The following SCN7A variants were observed in gnomAD, a reference collection of about 807,000 sequenced individuals.
SCN7A encodes sodium voltage-gated channel alpha subunit 7, also known as sodium channel protein type 7 subunit alpha.
A neutral mutation model predicts 155.2 loss-of-function variants in SCN7A; 138 were observed. The observed-to-expected ratio is 0.89, with a 90% CI of 0.77 to 1.02. The LOEUF is 1.02. SCN7A is among the 50% of genes least tolerant of loss of function. SCN7A has a pLI of 0.00. For missense variants in SCN7A, 2,058 were observed against 1,986.6 expected, an observed-to-expected ratio of 1.04 and a Z score of -0.68; for synonymous variants, 693 against 649.0, an observed-to-expected ratio of 1.07 and a Z score of -1.03.
chr2:166,427,762 A>G (rs1306564827), intron 18 of SCN7A, 26 bp downstream of exon 18: 19 of 1,590,900 alleles, frequency 1.2e-5, no homozygotes, highest in African/African-American at 2.7e-5. Context: ...CCAGCAAAGT[A>G]TCAAACACCC....
chr2:166,426,644 A>C (rs1196707545), intron 18 of SCN7A, among the ~76,000 whole-genome samples: 2 of 152,100 alleles, frequency 1.3e-5, no homozygotes, highest in Non-Finnish European at 2.9e-5. Flanking sequence ...ATCTATTTTT[A>C]TTAAGTCTGA....
intron 11 of SCN7A, among the ~76,000 whole-genome samples, chr2:166,454,000 A>T (rs981329212): frequency 2.6e-5 from 4 of 152,208 alleles, no homozygotes; most frequent in African/African-American, 9.6e-5. Context: ...ATAATTAAAC[A>T]TTTTAATAAA....
chr2:166,478,085 T>C (rs942187762), intron 2 of SCN7A, among the ~76,000 whole-genome samples: 1 of 151,892 alleles, frequency 6.6e-6, no homozygotes, highest in African/African-American at 2.4e-5. Context: ...ACACTTTTCT[T>C]CTTTAAACTT....
At chr2:166,470,408 T>C (rs945262074) in intron 7 of SCN7A, among the ~76,000 whole-genome samples, 3 of 151,852 alleles carry the variant, frequency 2.0e-5, no homozygotes, top group Non-Finnish European at 4.4e-5. Context: ...TTTGTAAAAA[T>C]TGAGCCTACA....
chr2:166,432,420 A>G lies in SCN7A; in HGVS notation c.2490T>C (p.Pro830=), dbSNP rs1287337264. ...CAATTGGTACAGTTTCTGAGACACTAGGACTGGGGATAAGTGATTGGCTCT... is the reference window on the plus strand; with the variant it reads ...CAATTGGTACAGTTTCTGAGACACTGGGACTGGGGATAAGTGATTGGCTCT... ...ENESQSLIPS[P]SVSETVPIAS... The change falls in exon 16 of 26, where the codon CCT becomes CCC. Residue 830 remains proline, a synonymous_variant. Coordinates refer to ENST00000643258, the MANE Select transcript of SCN7A (RefSeq NM_002976.4). 1 of 1,613,568 alleles carries G rather than the reference A, an allele frequency of 6.2e-7. No individual in the cohort carries two copies. The highest frequency in any genetic ancestry group is 1.1e-5 in the South Asian group (1 of 91,068).
intron 15 of SCN7A, among the ~76,000 whole-genome samples, chr2:166,436,710 G>T (rs1317437298): frequency 3.3e-5 from 5 of 152,194 alleles, no homozygotes; most frequent in African/African-American, 1.2e-4. Context: ...TTAACAAAAT[G>T]CTGATAGTGA....
intron 20 of SCN7A, among the ~76,000 whole-genome samples, chr2:166,420,402 C>T (rs183102924): frequency 6.6e-6 from 1 of 151,968 alleles, no homozygotes. Context: ...AATAAAAATG[C>T]AAAAACACAT....
chr2:166,489,525 A>G (rs2105544020), intron 1 of SCN7A, among the ~76,000 whole-genome samples: 1 of 152,358 alleles, frequency 6.6e-6, no homozygotes, highest in East Asian at 1.9e-4. Context: ...AATCCACTTG[A>G]AATTTTGCAA....
At chr2:166,438,049 G>A (rs1179422916) in intron 15 of SCN7A, among the ~76,000 whole-genome samples, 1 of 152,120 alleles carries the variant, frequency 6.6e-6, no homozygotes, top group Non-Finnish European at 1.5e-5. Flanking sequence ...TGAGATTTGG[G>A]AAGGGCCAGG....
chr2:166,462,221 T>G (rs1312259873), intron 10 of SCN7A, 168 bp downstream of exon 10: 1 of 637,774 alleles, frequency 1.6e-6, no homozygotes, highest in South Asian at 2.9e-5. Context: ...CACCTGGCAA[T>G]GTGGCCAGCA....
intron 19 of SCN7A, among the ~76,000 whole-genome samples, chr2:166,423,037 G>T (rs1268228539): frequency 6.6e-6 from 1 of 152,044 alleles, no homozygotes; most frequent in Non-Finnish European, 1.5e-5. Flanking sequence ...AATTCAAGGT[G>T]ATTATTATAA....
chr2:166,480,520 CAG>C (rs1702901593), intron 2 of SCN7A, among the ~76,000 whole-genome samples: 1 of 150,446 alleles, frequency 6.6e-6, no homozygotes, highest in Non-Finnish European at 1.5e-5. Flanking sequence ...TATTTTTACA[CAG>C]AGATCCTTGA....
chr2:166,462,633 G>C, intron 9 of SCN7A, 103 bp from the exon 10 acceptor site: 3 of 1,007,770 alleles, frequency 3.0e-6, no homozygotes, highest in Non-Finnish European at 4.3e-6. Flanking sequence ...GAGAACTCAC[G>C]CTTCCACAGG....
chr2:166,458,090 C>A (rs547044448), intron 10 of SCN7A, among the ~76,000 whole-genome samples: 378 of 152,136 alleles, frequency 2.5e-3, no homozygotes, highest in Non-Finnish European at 4.4e-3. Flanking sequence ...CACTGAAGTA[C>A]CTGTTATTTA....
At chr2:166,458,435 A>G (rs570542477) in intron 10 of SCN7A, among the ~76,000 whole-genome samples, 1 of 152,182 alleles carries the variant, frequency 6.6e-6, no homozygotes, top group East Asian at 1.9e-4. Context: ...ACGCATCAAA[A>G]CTATACATAT....
Position 166,472,340 on chromosome 2 carries a change from G to C in SCN7A, c.549C>G (p.Leu183=), listed in dbSNP as rs376920778. 6.2e-7 allele frequency: 1 copy of C among 1,607,410 alleles called. No homozygotes were observed. Among genetic ancestry groups the C allele is most frequent in the Non-Finnish European group, 8.5e-7 (1 of 1,176,262 alleles). ...FSFLGDPWNW[L]DFSVTVFEVI... ...ACTCAAACACAGTTACGCTGAAATC[G>C]AGCCAGTTCCATGGATCACCGAGGA... Residue 183 remains leucine, a synonymous_variant, in exon 6 of 26, where the codon CTC becomes CTG. Transcript: ENST00000643258.
In SCN7A at chr2:166,432,618, A is replaced by C. The variant is rs373806488; in HGVS notation, c.2292T>G (p.Leu764=). The C allele has an allele frequency of 2.1e-5, 34 of 1,612,616 alleles. No individual in the cohort carries two copies. The highest frequency in any genetic ancestry group is 4.0e-5 in the African/African-American group (3 of 74,832). The change falls in exon 16 of 26, where the codon CTT becomes CTG. Residue 764 remains leucine (L), a synonymous_variant. Transcript: ENST00000643258. ...RIKKGINYVL[L]KILCKTQNVP... is the part of the protein sequence containing the mutation. ...CATTTTGTGTTTTGCATAGTATTTT[A>C]AGAAGCACATAGTTTATTCCTTTTT...
intron 2 of SCN7A, among the ~76,000 whole-genome samples, chr2:166,484,096 C>T (rs1215315212): frequency 6.6e-6 from 1 of 151,874 alleles, no homozygotes; most frequent in Non-Finnish European, 1.5e-5. Flanking sequence ...ATTTTTTTAA[C>T]ACTAATAGCT....
intron 25 of SCN7A, 111 bp downstream of exon 25, chr2:166,409,554 A>G (rs17819028): frequency 0.027 from 22,453 of 834,190 alleles, 393 homozygotes; most frequent in Non-Finnish European, 0.033. Context: ...GCTTATTAGG[A>G]GACTATATTT....
Sources: allele counts gnomAD v4.1 joint callset (sites outside exome capture counted in the v4.1 genomes callset), GRCh38; gene constraint gnomAD v4.1.1; transcripts MANE v1.5; gene names NCBI Gene and HGNC (gene_info 2026-07-23, HGNC 2026-07-21).